Variants in CCDC32 observed in about 807,000 individuals in gnomAD.
CCDC32 encodes coiled-coil domain containing 32.
CCDC32 carries 9 observed loss-of-function variants against 20.1 expected under a neutral mutation model. The ratio of observed to expected loss-of-function variants is 0.45; its 90% CI spans 0.27 to 0.78. The LOEUF is 0.78. CCDC32 is among the 30% of genes least tolerant of loss of function. The pLI, the probability that CCDC32 is intolerant of heterozygous loss-of-function variation, is 0.16. For synonymous variants in CCDC32, 63 were observed against 79.0 expected, an observed-to-expected ratio of 0.80 and a Z score of 1.07; for missense variants, 204 against 215.5, an observed-to-expected ratio of 0.95 and a Z score of 0.33.
intron 1 of CCDC32, among the ~76,000 whole-genome samples, chr15:40,563,981 C>T (rs564584704): frequency 2.4e-3 from 371 of 152,178 alleles, no homozygotes; most frequent in Non-Finnish European, 4.5e-3. Context: ...CCACCACGCC[C>T]GGCTAATTTT....
downstream of CCDC32, chr15:40,531,561 A>G (rs1200127312): frequency 2.0e-5 from 3 of 152,180 alleles, no homozygotes; most frequent in East Asian, 5.8e-4. Context: ...ATTAATCTTC[A>G]TTCCCACAAG....
At chr15:40,533,974 A>T (rs1266629164), downstream of CCDC32, among the ~76,000 whole-genome samples, 1 of 152,226 alleles carries the variant, frequency 6.6e-6, no homozygotes, top group African/African-American at 2.4e-5. Context: ...GGCTGGTGAA[A>T]CTTGTATATA....
chr15:40,553,871 C>G lies in CCDC32; in HGVS notation c.*100G>C. The G allele has an allele frequency of 6.7e-7, 1 of 1,482,446 alleles. No individual in the cohort carries two copies. The highest frequency in any genetic ancestry group is 9.0e-7 in the Non-Finnish European group (1 of 1,111,874). 91.8% of individuals were successfully genotyped at this position (1,482,446 alleles called of 1,614,324 possible). A position where few individuals can be genotyped will look rare whatever the true frequency, so the allele number is the denominator to read the frequency against. ...TCCCTGCTGCTGTCACTGAGCTCCA[C>G]GCTGCTCGCTCTGGACCCGAGACAG... On this transcript the variant is annotated 3_prime_UTR_variant, in exon 4 of 4. Transcript: ENST00000416810.
downstream of CCDC32, chr15:40,535,707 T>G (rs1297383761): frequency 1.1e-6 from 1 of 918,600 alleles, no homozygotes; most frequent in Non-Finnish European, 1.3e-6. Flanking sequence ...TGTGCGGGAT[T>G]TGAGCACATG....
downstream of CCDC32, chr15:40,534,905 A>G (rs1278653628): frequency 1.4e-6 from 1 of 702,376 alleles, no homozygotes; most frequent in African/African-American, 1.7e-5. Context: ...TGGGCTCAGA[A>G]TGGTCTTGGA....
At chr15:40,527,498 G>T (rs1894914330), downstream of CCDC32, among the ~76,000 whole-genome samples, 1 of 152,200 alleles carries the variant, frequency 6.6e-6, no homozygotes, top group South Asian at 2.1e-4. Context: ...GTACATAGGT[G>T]CTATGGTTTG....
downstream of CCDC32, among the ~76,000 whole-genome samples, chr15:40,530,044 C>T (rs370093427): frequency 6.6e-6 from 1 of 151,068 alleles, no homozygotes; most frequent in African/African-American, 2.4e-5. Context: ...GCAATCCCAG[C>T]GTTTTGGGAG....
chr15:40,546,418 T>C (rs574598276), intron 3 of CCDC32, among the ~76,000 whole-genome samples: 1 of 151,598 alleles, frequency 6.6e-6, no homozygotes, highest in Non-Finnish European at 1.5e-5. Flanking sequence ...CAAACTCCTG[T>C]GCTCATGTGC....
At chr15:40,541,099 C>G (rs1374390151) in intron 3 of CCDC32, among the ~76,000 whole-genome samples, 2 of 152,218 alleles carry the variant, frequency 1.3e-5, no homozygotes, top group African/African-American at 2.4e-5. Flanking sequence ...TGCCTCACAT[C>G]CCTCCAGCCC....
At position 40,554,027 on chromosome 15, in the gene CCDC32, G is replaced by T. The variant is rs1157355185; in HGVS notation, c.502C>A (p.Pro168Thr). Residue 168 changes from proline (P) to threonine (T), a missense_variant, in exon 4 of 4, where the codon CCA becomes ACA. Coordinates refer to ENST00000416810, the MANE Select transcript of CCDC32 (RefSeq NM_001080792.4). The part of the protein sequence containing the change: ...LIPPESQVEK[P>T]VAEDEPAAGD... ...GCTGCTGGCTCGTCCTCGGCCACTG[G>T]CTTCTCAACCTGTGACTCTGGAGGA... 1 of 1,611,636 alleles carries T rather than the reference G, an allele frequency of 6.2e-7. No individual in the cohort carries two copies. The highest frequency in any genetic ancestry group is 1.1e-5 in the South Asian group (1 of 91,000).
At chr15:40,530,871 G>A (rs554872823), downstream of CCDC32, among the ~76,000 whole-genome samples, 10 of 151,138 alleles carry the variant, frequency 6.6e-5, no homozygotes, top group South Asian at 2.1e-4. Flanking sequence ...GCCACCACCC[G>A]GCTAATTTTT....
chr15:40,525,324 G>A (rs959003760), downstream of CCDC32, among the ~76,000 whole-genome samples: 9 of 151,880 alleles, frequency 5.9e-5, no homozygotes, highest in Admixed American at 3.3e-4. Context: ...CACTGCGCCC[G>A]GCCAATTTTT....
chr15:40,557,041 A>T, intron 3 of CCDC32, 175 bp downstream of exon 3: 1 of 629,490 alleles, frequency 1.6e-6, no homozygotes, highest in South Asian at 2.7e-5. Context: ...TGCATACTTA[A>T]AAATGAACAC....
rs982516889 is a variant in CCDC32, at chr15:40,555,138, T to C, written c.402-1011A>G. 4.6e-5 allele frequency among the ~76,000 whole-genome samples: 7 copies of C among 152,266 alleles called. No homozygotes were observed. In the East Asian group the frequency reaches 5.8e-4, roughly 13 times the overall value. ...TCCTGGTGTTTGTTCTGGATAATGA[T>C]AGAAAGAAACATTCCCACAGATGTA... On this transcript the variant is annotated intron_variant, in intron 3 of 3. Transcript: ENST00000416810.
chr15:40,524,301 C>T (rs574456138), downstream of CCDC32, among the ~76,000 whole-genome samples: 1 of 151,922 alleles, frequency 6.6e-6, no homozygotes, highest in South Asian at 2.1e-4. Flanking sequence ...GGACTATAGG[C>T]ACCCGCCACC....
downstream of CCDC32, chr15:40,534,650 C>T: frequency 2.2e-6 from 1 of 454,576 alleles, no homozygotes; most frequent in Non-Finnish European, 4.0e-6. Flanking sequence ...TGGGACACAG[C>T]CAAACCATAT....
chr15:40,552,631 C>T (rs988338356), downstream of CCDC32, among the ~76,000 whole-genome samples: 1 of 151,618 alleles, frequency 6.6e-6, no homozygotes, highest in South Asian at 2.1e-4. Context: ...AAACAATAGC[C>T]GGGTGTAGTG....
the CCDC32 span, among the ~76,000 whole-genome samples, chr15:40,523,470 C>T: frequency 6.8e-6 from 1 of 146,444 alleles, no homozygotes; most frequent in Non-Finnish European, 1.5e-5. Context: ...CGCCATTGCA[C>T]TCTAGCCTGG....
chr15:40,535,539 TCTC>T (rs1218616496), downstream of CCDC32: 14 of 985,648 alleles, frequency 1.4e-5, no homozygotes, highest in Middle Eastern at 5.2e-4. Flanking sequence ...CCGCCCCTTC[TCTC>T]CTCCTCCACT....
Sources: gnomAD v4.1 joint callset for allele counts (sites outside exome capture counted in the v4.1 genomes callset) on GRCh38, gnomAD v4.1.1 for gene constraint, MANE v1.5 for transcripts, NCBI Gene and HGNC (gene_info 2026-07-23, HGNC 2026-07-21) for gene names.